The following SYT9 variants were observed in gnomAD, a reference collection of about 807,000 sequenced individuals.
SYT9 encodes the protein synaptotagmin-9.
In SYT9, 22 loss-of-function variants were observed where a neutral mutation model predicts 48.4. The ratio of observed to expected loss-of-function variants is 0.45; its 90% CI spans 0.32 to 0.65. The LOEUF (loss-of-function observed/expected upper bound fraction) is 0.65. Among genes scored for constraint, SYT9 ranks in the 30% least tolerant of loss-of-function variants. The pLI, the probability that SYT9 is intolerant of heterozygous loss-of-function variation, is 0.03. For missense variants in SYT9, 577 were observed against 622.0 expected (o/e 0.93, Z 0.77); for synonymous variants, 265 against 245.0 (o/e 1.08, Z -0.76).
chr11:7,443,184 G>A (rs759221236), intron 6 of SYT9, among the ~76,000 whole-genome samples: 3 of 152,204 alleles, frequency 2.0e-5, no homozygotes, highest in Non-Finnish European at 4.4e-5. Context: ...TTTGGAAGTG[G>A]AGTTGGAGAA....
upstream of SYT9, among the ~76,000 whole-genome samples, chr11:7,248,232 G>A (rs1589884136): frequency 6.6e-6 from 1 of 151,318 alleles, no homozygotes; most frequent in South Asian, 2.1e-4. Context: ...TTAGTCCTTT[G>A]TCAGATGTAT....
intron 1 of SYT9, among the ~76,000 whole-genome samples, chr11:7,257,683 T>A (rs973279795): frequency 1.7e-4 from 26 of 152,296 alleles, no homozygotes; most frequent in Non-Finnish European, 2.6e-4. Flanking sequence ...TTAATTTTTT[T>A]AAATTAATGT....
intron 6 of SYT9, among the ~76,000 whole-genome samples, chr11:7,455,450 C>T (rs1848133781): frequency 6.6e-6 from 1 of 151,748 alleles, no homozygotes; most frequent in Non-Finnish European, 1.5e-5. Flanking sequence ...TCTCCTACCT[C>T]AGCCTCCCAA....
chr11:7,381,873 C>T (rs1006772132), intron 3 of SYT9, among the ~76,000 whole-genome samples: 2 of 152,176 alleles, frequency 1.3e-5, no homozygotes, highest in Non-Finnish European at 2.9e-5. Context: ...CAGCTTCCTA[C>T]GTGGTGGATA....
rs1480910032 is a variant in SYT9, at chr11:7,417,945, T to C, written c.1166-12T>C. On this transcript the variant is annotated splice_polypyrimidine_tract_variant and intron_variant, in intron 4 of 6. Coordinates refer to ENST00000318881, the MANE Select transcript of SYT9 (RefSeq NM_175733.4). ...ATCCTCACAGTACTCCTGCTTCTCA[T>C]GGTCTGTCCAGATCCCTATGTGAAA... 4 of 1,609,916 alleles carry C rather than the reference T, an allele frequency of 2.5e-6. No homozygotes were observed. Among genetic ancestry groups the C allele is most frequent in the East Asian group, 2.2e-5 (1 of 44,832 alleles).
At chr11:7,443,890 A>G (rs80098801) in intron 6 of SYT9, among the ~76,000 whole-genome samples, 12,076 of 152,310 alleles carry the variant, frequency 0.079, 739 homozygotes, top group Non-Finnish European at 0.13. Context: ...CTTAGCTTCT[A>G]TAGAGAATTT....
In SYT9 at chr11:7,256,095, C is replaced by T. The variant is rs557060679; in HGVS notation, c.145+3764C>T. ...CTTTGGCTATTAGGAGGTAAACTAG[C>T]CTAACTTATCTAGATCCACTCTTTC... On this transcript the variant is annotated intron_variant, in intron 1 of 6. Coordinates refer to ENST00000318881, the MANE Select transcript of SYT9 (RefSeq NM_175733.4). 4.6e-5 allele frequency among the ~76,000 whole-genome samples: 7 copies of T among 152,172 alleles called. No individual in the cohort carries two copies. In the South Asian group the frequency reaches 1.5e-3, roughly 32 times the overall value.
At chr11:7,315,818 T>C (rs533044193) in intron 3 of SYT9, among the ~76,000 whole-genome samples, 18 of 152,340 alleles carry the variant, frequency 1.2e-4, no homozygotes, top group African/African-American at 4.3e-4. Context: ...TTTTCCATTG[T>C]TGGAAAATCC....
intron 1 of SYT9, among the ~76,000 whole-genome samples, chr11:7,279,893 T>C (rs919387359): frequency 6.6e-6 from 1 of 152,246 alleles, no homozygotes; most frequent in Non-Finnish European, 1.5e-5. Flanking sequence ...CAGCCACTTA[T>C]GCTGCAAAAG....
intron 6 of SYT9, among the ~76,000 whole-genome samples, chr11:7,423,690 A>G (rs1847398554): frequency 6.6e-6 from 1 of 152,194 alleles, no homozygotes; most frequent in African/African-American, 2.4e-5. Flanking sequence ...TCCTGTGAAG[A>G]AATATCATCC....
intron 6 of SYT9, chr11:7,439,392 G>A (rs1847782465): frequency 1.3e-5 from 2 of 152,300 alleles, no homozygotes; most frequent in African/African-American, 4.8e-5. Flanking sequence ...GGAGGGAGGA[G>A]CGTGTCTAAT....
chr11:7,367,070 A>ATTTTTTTTTT (rs1850260250), intron 3 of SYT9, among the ~76,000 whole-genome samples: 8 of 91,828 alleles, frequency 8.7e-5, no homozygotes, highest in Non-Finnish European at 1.6e-4. Flanking sequence ...CCAGGAGACC[A>ATTTTTTTTTT]TCTTTTTTTT....
At chr11:7,399,199 C>T (rs1186799551) in intron 3 of SYT9, among the ~76,000 whole-genome samples, 1 of 152,082 alleles carries the variant, frequency 6.6e-6, no homozygotes, top group Non-Finnish European at 1.5e-5. Flanking sequence ...AAATGCCTTA[C>T]AGAAGAGTAT....
At chr11:7,423,145 A>G (rs568526182) in intron 6 of SYT9, among the ~76,000 whole-genome samples, 2 of 152,238 alleles carry the variant, frequency 1.3e-5, no homozygotes, top group Non-Finnish European at 2.9e-5. Flanking sequence ...AAGCAGGGGG[A>G]GGGCAAACCT....
chr11:7,409,454 C>G (rs1310047308), intron 3 of SYT9, among the ~76,000 whole-genome samples: 1 of 151,952 alleles, frequency 6.6e-6, no homozygotes, highest in Non-Finnish European at 1.5e-5. Flanking sequence ...TGTATTAGTT[C>G]TTCTTTATAT....
intron 3 of SYT9, among the ~76,000 whole-genome samples, chr11:7,349,260 T>C (rs12787887): frequency 0.25 from 38,041 of 151,928 alleles, 5,525 homozygotes; most frequent in Non-Finnish European, 0.33. Flanking sequence ...CATTCTGGAA[T>C]AGACAGTAGA....
chr11:7,299,350 A>T (rs950571475), intron 1 of SYT9, among the ~76,000 whole-genome samples: 20 of 152,138 alleles, frequency 1.3e-4, no homozygotes, highest in African/African-American at 4.8e-4. Context: ...TACTATCTAG[A>T]AGGCATACTC....
intron 1 of SYT9, among the ~76,000 whole-genome samples, chr11:7,245,459 G>T (rs11041278): frequency 6.6e-6 from 1 of 150,510 alleles, no homozygotes; most frequent in East Asian, 1.9e-4. Flanking sequence ...TTTGAGTCAG[G>T]GTTCTATTCC....
At chr11:7,292,132 A>G (rs1248981953) in intron 1 of SYT9, among the ~76,000 whole-genome samples, 1 of 152,168 alleles carries the variant, frequency 6.6e-6, no homozygotes. Context: ...CACATTATAT[A>G]TTGCTTTATG....
Sources: gnomAD v4.1 joint callset for allele counts (sites outside exome capture counted in the v4.1 genomes callset) on GRCh38, gnomAD v4.1.1 for gene constraint, MANE v1.5 for transcripts, NCBI Gene and HGNC (gene_info 2026-07-23, HGNC 2026-07-21) for gene names.